The following FARSB variants were observed in gnomAD, a reference collection of about 807,000 sequenced individuals.
FARSB encodes the protein phenylalanine--tRNA ligase beta subunit.
In FARSB, 40 loss-of-function variants were observed where a neutral mutation model predicts 69.6. The ratio of observed to expected loss-of-function variants is 0.57; its 90% CI spans 0.45 to 0.75. FARSB has a LOEUF of 0.75. Among genes scored for constraint, FARSB ranks in the 30% least tolerant of loss-of-function variants. The pLI is 0.00. For synonymous variants in FARSB, 235 were observed against 247.2 expected, an observed-to-expected ratio of 0.95 and a Z score of 0.46; for missense variants, 632 against 722.9, an observed-to-expected ratio of 0.87 and a Z score of 1.44.
chr2:222,621,561 ATG>A (rs1553552779), intron 13 of FARSB, among the ~76,000 whole-genome samples: 1 of 152,220 alleles, frequency 6.6e-6, no homozygotes, highest in Non-Finnish European at 1.5e-5. Flanking sequence ...GTTTATTTTA[ATG>A]TGTTAGAAAA....
chr2:222,623,701 G>A lies in FARSB; in HGVS notation c.1200C>T (p.Leu400=). The part of the protein sequence containing the change: ...QFPLNKLTEL[L]RHDMAAAGFT... ...AGCCAGCGGCTGCCATGTCATGTCG[G>A]AGAAGTTCAGTGAGCTTATTAAGAG... The change falls in exon 13 of 17, where the codon CTC becomes CTT. Residue 400 remains leucine, a synonymous_variant. Coordinates refer to ENST00000281828, the MANE Select transcript of FARSB (RefSeq NM_005687.5). 1 of 1,611,724 alleles carries A rather than the reference G, an allele frequency of 6.2e-7. No individual in the cohort carries two copies. The highest frequency in any genetic ancestry group is 8.5e-7 in the Non-Finnish European group (1 of 1,177,914).
chr2:222,621,544 T>C, intron 13 of FARSB, among the ~76,000 whole-genome samples: 1 of 152,194 alleles, frequency 6.6e-6, no homozygotes, highest in Non-Finnish European at 1.5e-5. Flanking sequence ...AATGTTAATA[T>C]TTATGTGTTT....
chr2:222,647,851 C>T (rs748543034), intron 2 of FARSB, among the ~76,000 whole-genome samples: 1 of 152,196 alleles, frequency 6.6e-6, no homozygotes, highest in African/African-American at 2.4e-5. Context: ...GTCAGCAGTT[C>T]GAGAACCAGC....
rs1691945123 is a variant in FARSB, at chr2:222,648,813, G to C, written c.59-18C>G. ...TTCGTCAGCTAGGAAAATAAAAAAG[G>C]AGATGGTTAATTTCACTCTGTTCAG... On this transcript the variant is annotated intron_variant, in intron 1 of 16. Coordinates refer to ENST00000281828, the MANE Select transcript of FARSB (RefSeq NM_005687.5). 2 of 1,560,726 alleles carry C rather than the reference G, an allele frequency of 1.3e-6. No homozygotes were observed. Among genetic ancestry groups the C allele is most frequent in the Non-Finnish European group, 1.8e-6 (2 of 1,131,446 alleles).
intron 2 of FARSB, among the ~76,000 whole-genome samples, chr2:222,645,204 G>A (rs1237361268): frequency 1.3e-5 from 2 of 152,118 alleles, no homozygotes; most frequent in Non-Finnish European, 1.5e-5. Context: ...AGAGAGACTC[G>A]TCTGGACTAT....
At chr2:222,628,737 G>T (rs943630927) in intron 10 of FARSB, 100 bp downstream of exon 10, 4 of 762,834 alleles carry the variant, frequency 5.2e-6, no homozygotes, top group Non-Finnish European at 2.3e-6. Context: ...CACACGGGTG[G>T]GTAGGTAGGG....
intron 15 of FARSB, 51 bp downstream of exon 15, chr2:222,613,760 G>T: frequency 8.4e-7 from 1 of 1,196,968 alleles, no homozygotes; most frequent in South Asian, 1.2e-5. Flanking sequence ...TTTTCATAAT[G>T]AAAAAAATGT....
chr2:222,645,524 T>A (rs1001852635), intron 2 of FARSB, among the ~76,000 whole-genome samples: 6 of 152,094 alleles, frequency 3.9e-5, no homozygotes, highest in Non-Finnish European at 7.4e-5. Flanking sequence ...CCTAAGGTAG[T>A]GTTATAAAAG....
At chr2:222,625,117 T>A (rs1691236136) in intron 10 of FARSB, among the ~76,000 whole-genome samples, 1 of 152,180 alleles carries the variant, frequency 6.6e-6, no homozygotes, top group Admixed American at 6.5e-5. Flanking sequence ...TGCTAAAGAT[T>A]TTCAGTCTCG....
chr2:222,611,595 G>C (rs1041200081), intron 15 of FARSB, among the ~76,000 whole-genome samples: 1 of 152,106 alleles, frequency 6.6e-6, no homozygotes, highest in South Asian at 2.1e-4. Context: ...TTACAGGCAT[G>C]AACCAACACA....
chr2:222,581,326 C>G (rs775571493), intron 16 of FARSB, among the ~76,000 whole-genome samples: 25 of 151,930 alleles, frequency 1.6e-4, no homozygotes, highest in Admixed American at 3.3e-4. Flanking sequence ...AGGAGTCTCT[C>G]AAAAAAGGAA....
At chr2:222,624,857 T>C in intron 10 of FARSB, 82 bp from the exon 11 acceptor site, 1 of 760,658 alleles carries the variant, frequency 1.3e-6, no homozygotes, top group Non-Finnish European at 2.2e-6. Flanking sequence ...ATTATTGCAG[T>C]TCTATTACGT....
chr2:222,631,421 C>T (rs1010358854), intron 8 of FARSB, among the ~76,000 whole-genome samples, 183 bp downstream of exon 8: 11 of 152,094 alleles, frequency 7.2e-5, no homozygotes, highest in African/African-American at 1.4e-4. Context: ...AAACATTTGT[C>T]GAATTAATGA....
At chr2:222,631,835 G>A (rs1056716306) in intron 7 of FARSB, among the ~76,000 whole-genome samples, 161 bp from the exon 8 acceptor site, 5 of 152,218 alleles carry the variant, frequency 3.3e-5, no homozygotes, top group African/African-American at 7.2e-5. Context: ...CACTCTGGGA[G>A]GCCAAAGTGG....
At chr2:222,624,607 C>T in intron 11 of FARSB, 107 bp downstream of exon 11, 1 of 928,890 alleles carries the variant, frequency 1.1e-6, no homozygotes, top group Non-Finnish European at 1.7e-6. Context: ...AACCAGATAT[C>T]TTAACTGATG....
intron 5 of FARSB, among the ~76,000 whole-genome samples, chr2:222,635,792 TAC>T (rs1691562973): frequency 6.6e-6 from 1 of 151,868 alleles, no homozygotes; most frequent in South Asian, 2.1e-4. Context: ...TCAAAGAAAA[TAC>T]AGAGGCCAGG....
intron 14 of FARSB, among the ~76,000 whole-genome samples, chr2:222,618,046 C>G (rs554592056): frequency 6.6e-6 from 1 of 152,146 alleles, no homozygotes; most frequent in South Asian, 2.1e-4. Flanking sequence ...AAAAGGAACA[C>G]CATGGGCAAA....
chr2:222,583,813 TG>T (rs1459044371), intron 16 of FARSB, among the ~76,000 whole-genome samples: 3 of 152,186 alleles, frequency 2.0e-5, no homozygotes, highest in African/African-American at 7.2e-5. Context: ...CAAGATCTGA[TG>T]GTTTTTTAAG....
At chr2:222,614,531 A>G (rs1344681713) in intron 14 of FARSB, among the ~76,000 whole-genome samples, 1 of 152,240 alleles carries the variant, frequency 6.6e-6, no homozygotes, top group Non-Finnish European at 1.5e-5. Context: ...ATAGACTACA[A>G]GAAATACAAA....
Sources: gnomAD v4.1 joint callset for allele counts (sites outside exome capture counted in the v4.1 genomes callset) on GRCh38, gnomAD v4.1.1 for gene constraint, MANE v1.5 for transcripts, NCBI Gene and HGNC (gene_info 2026-07-23, HGNC 2026-07-21) for gene names.